FANCL: variants seen among roughly 807,000 people sequenced by gnomAD.
The protein encoded by FANCL is FA complementation group L, also known as E3 ubiquitin-protein ligase FANCL.
FANCL carries 69 observed loss-of-function variants against 59.4 expected under a neutral mutation model. The ratio of observed to expected loss-of-function variants is 1.16; its 90% CI spans 0.96 to 1.42. The LOEUF (loss-of-function observed/expected upper bound fraction) is 1.42. Ranked by LOEUF, FANCL falls within the 40% of genes most tolerant of loss-of-function variation. The pLI is 0.00. For missense variants in FANCL, 519 were observed against 447.2 expected (o/e 1.16, Z -1.45); for synonymous variants, 180 against 147.1 (o/e 1.22, Z -1.62).
chr2:58,172,434 C>T (rs1169627899), intron 7 of FANCL, among the ~76,000 whole-genome samples: 6 of 152,176 alleles, frequency 3.9e-5, no homozygotes, highest in Admixed American at 6.5e-5. Context: ...CAGCAGCATT[C>T]GTGGTTCAAG....
intron 6 of FANCL, among the ~76,000 whole-genome samples, chr2:58,202,104 T>C (rs573565636): frequency 6.6e-6 from 1 of 151,702 alleles, no homozygotes; most frequent in Admixed American, 6.6e-5. Context: ...TTTTTTTCCC[T>C]AAAATTTTTG....
intron 5 of FANCL, among the ~76,000 whole-genome samples, chr2:58,216,401 C>G (rs933993756): frequency 6.6e-6 from 1 of 152,060 alleles, no homozygotes; most frequent in Non-Finnish European, 1.5e-5. Context: ...CTACATAGCA[C>G]TGAAGTCTGA....
Position 58,174,974 on chromosome 2 carries a change from T to C in FANCL, c.541-9100A>G, listed in dbSNP as rs1411909599. Among the ~76,000 whole-genome samples the C allele has an allele frequency of 1.2e-4, 19 of 152,210 alleles. No homozygotes were observed. The East Asian group carries it at 3.5e-3, about 28-fold the overall frequency. On this transcript the variant is annotated intron_variant, in intron 7 of 13. Coordinates refer to ENST00000233741, the MANE Select transcript of FANCL (RefSeq NM_018062.4). ...TACATCACCACCGATCCCACAGAAA[T>C]ACAAACTACCATCAGAGAATACTAT...
At chr2:58,204,071 A>G in intron 6 of FANCL, 59 bp downstream of exon 6, 1 of 1,267,420 alleles carries the variant, frequency 7.9e-7, no homozygotes, top group Non-Finnish European at 1.2e-6. Flanking sequence ...GAGAGCATTC[A>G]CAGAGTTCAT....
At position 58,159,251 on chromosome 2, in the gene FANCL, G is replaced by A. The variant is rs971755352; in HGVS notation, c.*514C>T. On this transcript the variant is annotated 3_prime_UTR_variant, in exon 14 of 14. Transcript: ENST00000233741. Reference sequence around the variant, plus strand: ...AAATAACACGCAAAAACTTGATCTTGTATAACATTTTATTTAGCATTCTTA... The same window carrying A: ...AAATAACACGCAAAAACTTGATCTTATATAACATTTTATTTAGCATTCTTA... 1.4e-5 allele frequency: 13 copies of A among 925,892 alleles called. No individual in the cohort carries two copies. The Admixed American group carries it at 1.8e-4, about 13-fold the overall frequency. 57.4% of individuals were successfully genotyped at this position (925,892 alleles called of 1,614,324 possible).
chr2:58,168,193 G>T (rs1034403383), intron 7 of FANCL, among the ~76,000 whole-genome samples: 1 of 152,180 alleles, frequency 6.6e-6, no homozygotes, highest in Non-Finnish European at 1.5e-5. Flanking sequence ...CCAGTCTGCA[G>T]CTCCCAGCGA....
chr2:58,201,470 CAA>C (rs1006718540), intron 6 of FANCL, among the ~76,000 whole-genome samples: 24 of 151,848 alleles, frequency 1.6e-4, no homozygotes, highest in Admixed American at 1.3e-3. Flanking sequence ...AAATTTTAAC[CAA>C]GTCTGTTCTG....
rs1166437987 is a variant in FANCL, at chr2:58,188,377, C to T, written c.540+10217G>A. ...TTTTTCAGAGTTATTTTAACTATCA[C>T]AGGACCTTTGCAGCCTTTGCACATA... On this transcript the variant is annotated intron_variant, in intron 7 of 13. Coordinates refer to ENST00000233741, the MANE Select transcript of FANCL (RefSeq NM_018062.4). Among the ~76,000 whole-genome samples, 11 of 152,066 alleles carry T rather than the reference C, an allele frequency of 7.2e-5. No individual in the cohort carries two copies. The South Asian group carries it at 1.0e-3, about 14-fold the overall frequency.
At chr2:58,192,371 T>G (rs1270183628) in intron 7 of FANCL, among the ~76,000 whole-genome samples, 1 of 152,050 alleles carries the variant, frequency 6.6e-6, no homozygotes, top group East Asian at 1.9e-4. Flanking sequence ...AAAACACATT[T>G]ACTTAAGAAA....
chr2:58,199,637 T>G (rs1034518979), intron 6 of FANCL, among the ~76,000 whole-genome samples: 1 of 152,164 alleles, frequency 6.6e-6, no homozygotes, highest in East Asian at 1.9e-4. Flanking sequence ...GTTTTTAAGT[T>G]AACAAAGGCA....
chr2:58,214,957 C>T (rs546331952), intron 5 of FANCL, among the ~76,000 whole-genome samples: 1 of 152,170 alleles, frequency 6.6e-6, no homozygotes, highest in East Asian at 1.9e-4. Context: ...TTTCTTATTG[C>T]ACTTCTCTCA....
chr2:58,222,690 A>G (rs1263508813), intron 4 of FANCL, among the ~76,000 whole-genome samples: 3 of 152,106 alleles, frequency 2.0e-5, no homozygotes, highest in African/African-American at 7.2e-5. Context: ...TTTACAAGAC[A>G]CATAAACATC....
At chr2:58,217,109 C>T (rs1691798480) in intron 5 of FANCL, among the ~76,000 whole-genome samples, 1 of 137,134 alleles carries the variant, frequency 7.3e-6, no homozygotes, top group African/African-American at 2.7e-5. Flanking sequence ...TACACACACA[C>T]ACACATTACA....
chr2:58,159,404 T>A lies in FANCL; in HGVS notation c.*361A>T, dbSNP rs1684698284. 6.2e-7 allele frequency: 1 copy of A among 1,613,336 alleles called. No individual in the cohort carries two copies. Among genetic ancestry groups the A allele is most frequent in the African/African-American group, 1.3e-5 (1 of 74,880 alleles). On this transcript the variant is annotated 3_prime_UTR_variant, in exon 14 of 14. Transcript: ENST00000233741. ...GAGTCTCAAGAACCTTTGAATGAAG[T>A]AAACAGTTTCCCACAAAAAATCAGC...
chr2:58,159,453 T>G lies in FANCL; in HGVS notation c.*312A>C. On this transcript the variant is annotated 3_prime_UTR_variant, in exon 14 of 14. Transcript: ENST00000233741. ...GCTATACACAATTCCCAAACTCATT[T>G]TATGAGCCTCATCAAGATTTTACCA... 1 of 1,613,696 alleles carries G rather than the reference T, an allele frequency of 6.2e-7. No homozygotes were observed. Among genetic ancestry groups the G allele is most frequent in the Admixed American group, 1.7e-5 (1 of 59,974 alleles).
chr2:58,170,444 A>G (rs550561052), intron 7 of FANCL, among the ~76,000 whole-genome samples: 242 of 152,320 alleles, frequency 1.6e-3, no homozygotes, highest in Non-Finnish European at 2.5e-3. Context: ...ACGAAAATGT[A>G]AAGACCATCA....
chr2:58,198,993 C>A (rs1422357483), intron 6 of FANCL, among the ~76,000 whole-genome samples: 1 of 146,032 alleles, frequency 6.8e-6, no homozygotes, highest in Non-Finnish European at 1.5e-5. Context: ...TGCGCCACTG[C>A]ACTCCAGCCT....
intron 13 of FANCL, 102 bp downstream of exon 13, chr2:58,160,006 C>T: frequency 6.4e-7 from 1 of 1,564,784 alleles, no homozygotes; most frequent in Non-Finnish European, 8.6e-7. Flanking sequence ...GAATGAGTTT[C>T]AAAAGTTTTA....
chr2:58,173,189 T>C (rs1311212753), intron 7 of FANCL, among the ~76,000 whole-genome samples: 1 of 152,128 alleles, frequency 6.6e-6, no homozygotes, highest in Non-Finnish European at 1.5e-5. Flanking sequence ...ACGAGGACAA[T>C]GGAACCAAGT....
Sources: allele counts gnomAD v4.1 joint callset (sites outside exome capture counted in the v4.1 genomes callset), GRCh38; gene constraint gnomAD v4.1.1; transcripts MANE v1.5; gene names NCBI Gene and HGNC (gene_info 2026-07-23, HGNC 2026-07-21).